Variants in GCSAML observed in about 807,000 individuals in gnomAD.
GCSAML encodes germinal center associated signaling and motility like.
GCSAML carries 9 observed loss-of-function variants against 13.0 expected under a neutral mutation model. That is an observed-to-expected ratio of 0.69 (90% CI 0.42 to 1.21). The LOEUF is 1.21. GCSAML is among the 50% of genes most tolerant of loss of function. The pLI is 0.00. For synonymous variants in GCSAML, 37 were observed against 52.9 expected, an observed-to-expected ratio of 0.70 and a Z score of 1.31; for missense variants, 143 against 153.4, an observed-to-expected ratio of 0.93 and a Z score of 0.36.
intron 2 of GCSAML, chr1:247,531,631 C>T (rs1187292074): frequency 6.2e-7 from 1 of 1,614,034 alleles, no homozygotes; most frequent in Non-Finnish European, 8.5e-7. Flanking sequence ...CTCCGTGTTC[C>T]TCAGGGTGTA....
chr1:247,561,039 C>T lies in GCSAML; in HGVS notation c.90-2551C>T, dbSNP rs189409405. On this transcript the variant is annotated intron_variant, in intron 2 of 4. Transcript: ENST00000366488. ...CGTGATCTCGGCTCACTGCAACCTC[C>T]GCCTCCTGGGTTCCAGCAATTCTCC... Among the ~76,000 whole-genome samples the T allele has an allele frequency of 7.6e-3, 1,160 of 152,086 alleles. 10 individuals are homozygous for T. Among genetic ancestry groups the T allele is most frequent in the African/African-American group, 0.027 (1,106 of 41,450 alleles).
At chr1:247,541,445 G>A (rs1667408671) in intron 2 of GCSAML, among the ~76,000 whole-genome samples, 1 of 152,132 alleles carries the variant, frequency 6.6e-6, no homozygotes, top group South Asian at 2.1e-4. Flanking sequence ...TCTCATCATG[G>A]CCTATATGGA....
upstream of GCSAML, among the ~76,000 whole-genome samples, chr1:247,546,913 G>A (rs1667602708): frequency 1.4e-5 from 2 of 143,302 alleles, no homozygotes; most frequent in East Asian, 2.1e-4. Context: ...AACGTAACAA[G>A]ACCTTTTCTC....
chr1:247,574,204 A>G lies in GCSAML; in HGVS notation c.230A>G (p.His77Arg). 1.2e-6 allele frequency: 2 copies of G among 1,613,848 alleles called. No individual in the cohort carries two copies. The highest frequency in any genetic ancestry group is 8.5e-7 in the Non-Finnish European group (1 of 1,179,750). Residue 77 changes from histidine (H) to arginine (R), a missense_variant, in exon 5 of 5, where the codon CAT (histidine) becomes CGT (arginine). By Grantham distance (29) the His-to-Arg change is conservative (BLOSUM62 0). Coordinates refer to ENST00000366488, the MANE Select transcript of GCSAML (RefSeq NM_145278.5). ...VCYTVINHIP[H>R]QRSSLSSNDD... ...TACACTGTCATTAATCACATCCCCCATCAGAGATCCTCCCTGAGCTCCAAT... is the reference window on the plus strand; with the variant it reads ...TACACTGTCATTAATCACATCCCCCGTCAGAGATCCTCCCTGAGCTCCAAT...
At chr1:247,567,694 G>A (rs1009075832) in intron 4 of GCSAML, among the ~76,000 whole-genome samples, 1 of 152,206 alleles carries the variant, frequency 6.6e-6, no homozygotes, top group Non-Finnish European at 1.5e-5. Flanking sequence ...TATATACCCA[G>A]TAATGGGATT....
At chr1:247,551,502 G>A (rs1667776112) in intron 1 of GCSAML, among the ~76,000 whole-genome samples, 1 of 152,200 alleles carries the variant, frequency 6.6e-6, no homozygotes, top group South Asian at 2.1e-4. Context: ...AATGTGGCAT[G>A]TATTTTAGGA....
chr1:247,546,820 T>C (rs1462565409), upstream of GCSAML, among the ~76,000 whole-genome samples: 2 of 151,368 alleles, frequency 1.3e-5, no homozygotes, highest in Admixed American at 1.3e-4. Flanking sequence ...CTGGATGTGG[T>C]GGCTCAAGCC....
chr1:247,571,665 A>T (rs1439058766), intron 4 of GCSAML, among the ~76,000 whole-genome samples: 1 of 152,020 alleles, frequency 6.6e-6, no homozygotes, highest in Admixed American at 6.6e-5. Flanking sequence ...GGTGAATCTG[A>T]TGATTATGTG....
In GCSAML at chr1:247,526,271, T is replaced by C. The variant is rs1210600140; in HGVS notation, c.-262-669T>C. ...AAGCTTGCCATGTTGAGGGTGATTATAATTTTTAAAGTTTATATTTTTTAC... is the reference window on the plus strand; with the variant it reads ...AAGCTTGCCATGTTGAGGGTGATTACAATTTTTAAAGTTTATATTTTTTAC... On this transcript the variant is annotated intron_variant, in intron 1 of 5. Coordinates refer to the GCSAML transcript ENST00000366489. This position sits in a 1 kb window ranked among gnomAD's most constrained non-coding sequence, Gnocchi z 4.8. The C allele has an allele frequency of 6.6e-6, 1 of 152,244 alleles. No homozygotes were observed. The highest frequency in any genetic ancestry group is 1.5e-5 in the Non-Finnish European group (1 of 68,040). 9.4% of individuals were successfully genotyped at this position (152,244 alleles called of 1,614,324 possible).
chr1:247,540,355 T>C (rs570746630), intron 2 of GCSAML, among the ~76,000 whole-genome samples: 1 of 152,326 alleles, frequency 6.6e-6, no homozygotes, highest in South Asian at 2.1e-4. Flanking sequence ...AACAAGTGCT[T>C]GGCTGAGGCC....
Position 247,574,187 on chromosome 1 carries a change from C to T in GCSAML, c.213C>T (p.Val71=), listed in dbSNP as rs762053000. 70 of 1,613,842 alleles carry T rather than the reference C, an allele frequency of 4.3e-5. No homozygotes were observed. Among genetic ancestry groups the T allele is most frequent in the Non-Finnish European group, 5.3e-5 (63 of 1,179,870 alleles). ...GTTCTGAAGAAGTGTGCTACACTGT[C>T]ATTAATCACATCCCCCATCAGAGAT... ...GSGSEEVCYT[V]INHIPHQRSS... is the part of the protein sequence containing the mutation. Residue 71 remains valine (V), a synonymous_variant, in exon 5 of 5, where the codon GTC becomes GTT. Coordinates refer to ENST00000366488, the MANE Select transcript of GCSAML (RefSeq NM_145278.5).
intron 1 of GCSAML, chr1:247,525,428 TGG>T (rs1410643953): frequency 7.2e-5 from 11 of 152,232 alleles, no homozygotes; most frequent in Non-Finnish European, 1.5e-5. Context: ...GCTGTAAGTC[TGG>T]GTTACCACAG....
intron 1 of GCSAML, among the ~76,000 whole-genome samples, chr1:247,523,431 TAA>T (rs1666529884): frequency 6.6e-6 from 1 of 152,206 alleles, no homozygotes; most frequent in South Asian, 2.1e-4. Flanking sequence ...CCTTTACAGA[TAA>T]AGACAACAGG....
At chr1:247,544,099 A>G (rs1185519567) in intron 2 of GCSAML, among the ~76,000 whole-genome samples, 2 of 152,250 alleles carry the variant, frequency 1.3e-5, no homozygotes, top group African/African-American at 4.8e-5. Context: ...ACTAAAAGAA[A>G]CACACCAAGC....
chr1:247,557,099 C>T (rs773247456), intron 2 of GCSAML, among the ~76,000 whole-genome samples: 2 of 152,166 alleles, frequency 1.3e-5, no homozygotes, highest in African/African-American at 4.8e-5. Flanking sequence ...TGATTGATAA[C>T]GTCTCCTCCT....
At chr1:247,520,248 A>T (rs957417777) in intron 1 of GCSAML, among the ~76,000 whole-genome samples, 2 of 152,178 alleles carry the variant, frequency 1.3e-5, no homozygotes, top group Non-Finnish European at 2.9e-5. Flanking sequence ...TGTTGCTGTG[A>T]AAGTATTTTT....
chr1:247,518,868 A>G (rs1230661803), intron 1 of GCSAML, among the ~76,000 whole-genome samples: 1 of 152,152 alleles, frequency 6.6e-6, no homozygotes, highest in African/African-American at 2.4e-5. Flanking sequence ...GCCTGCCTTT[A>G]GTCCTAGTTA....
chr1:247,556,292 T>G, intron 1 of GCSAML, 115 bp from the exon 2 acceptor site: 2 of 713,668 alleles, frequency 2.8e-6, no homozygotes, highest in Non-Finnish European at 4.9e-6. Context: ...GAAAGGGAAG[T>G]TTGTCAAAAA....
At chr1:247,516,044 C>A (rs973542420) in intron 1 of GCSAML, among the ~76,000 whole-genome samples, 1 of 151,974 alleles carries the variant, frequency 6.6e-6, no homozygotes, top group African/African-American at 2.4e-5. Flanking sequence ...AGGTGGACAG[C>A]AAAAATGGCA....
Sources: gnomAD v4.1 joint callset for allele counts (sites outside exome capture counted in the v4.1 genomes callset) on GRCh38, gnomAD v4.1.1 for gene constraint, Gnocchi (gnomAD v3.1) non-coding constraint, MANE v1.5 for transcripts, NCBI Gene and HGNC (gene_info 2026-07-23, HGNC 2026-07-21) for gene names.